The following GUCY1A2 variants were observed in gnomAD, a reference collection of about 807,000 sequenced individuals.
The protein encoded by GUCY1A2 is guanylate cyclase 1 soluble subunit alpha 2.
A neutral mutation model predicts 63.5 loss-of-function variants in GUCY1A2; 27 were observed. The observed-to-expected ratio is 0.43, with a 90% confidence interval of 0.31 to 0.59. The LOEUF (loss-of-function observed/expected upper bound fraction) is 0.59. GUCY1A2 is among the 20% of genes least tolerant of loss of function. GUCY1A2 has a pLI of 0.11. For synonymous variants in GUCY1A2, 364 were observed against 343.5 expected, an observed-to-expected ratio of 1.06 and a Z score of -0.66; for missense variants, 768 against 913.3, an observed-to-expected ratio of 0.84 and a Z score of 2.05.
At chr11:106,981,144 A>G (rs1009590890) in intron 2 of GUCY1A2, among the ~76,000 whole-genome samples, 2 of 152,200 alleles carry the variant, frequency 1.3e-5, no homozygotes, top group African/African-American at 4.8e-5. Flanking sequence ...TATAAAAAAG[A>G]AGCTAGATCA....
intron 4 of GUCY1A2, among the ~76,000 whole-genome samples, chr11:106,917,528 G>C (rs1296465962): frequency 2.1e-5 from 3 of 144,856 alleles, no homozygotes; most frequent in African/African-American, 4.9e-5. Context: ...CAATAGCAAA[G>C]ACTTGGAACC....
chr11:106,780,359 G>C (rs1864436318), intron 5 of GUCY1A2, among the ~76,000 whole-genome samples: 2 of 152,176 alleles, frequency 1.3e-5, no homozygotes, highest in South Asian at 2.1e-4. Flanking sequence ...GGCTGGGTTA[G>C]ATTATGATAC....
intron 1 of GUCY1A2, among the ~76,000 whole-genome samples, chr11:107,005,823 G>A (rs1035589974): frequency 1.4e-4 from 21 of 152,050 alleles, no homozygotes; most frequent in Admixed American, 1.2e-3. Context: ...GTATAACCCT[G>A]AAATGTCATA....
chr11:106,688,971 T>G (rs902697842), intron 7 of GUCY1A2, among the ~76,000 whole-genome samples: 4 of 152,204 alleles, frequency 2.6e-5, no homozygotes, highest in African/African-American at 9.7e-5. Context: ...GAGTTTAGAC[T>G]TTATTTGGAA....
intron 5 of GUCY1A2, among the ~76,000 whole-genome samples, chr11:106,799,870 TA>T (rs1159391008): frequency 6.6e-6 from 1 of 152,004 alleles, no homozygotes; most frequent in African/African-American, 2.4e-5. Context: ...GCTATGGCAA[TA>T]AAAGCCAAAA....
chr11:107,002,773 C>T (rs905820905), intron 1 of GUCY1A2, among the ~76,000 whole-genome samples: 7 of 152,122 alleles, frequency 4.6e-5, no homozygotes, highest in African/African-American at 1.7e-4. Flanking sequence ...CTGCAAATTG[C>T]ATGGCAATTT....
chr11:106,973,038 G>A (rs755495133), intron 3 of GUCY1A2, among the ~76,000 whole-genome samples: 8 of 152,002 alleles, frequency 5.3e-5, no homozygotes, highest in Non-Finnish European at 8.8e-5. Context: ...TCTTTCTCAG[G>A]ACTATCTACT....
At chr11:106,964,063 A>G (rs570403512) in intron 3 of GUCY1A2, among the ~76,000 whole-genome samples, 2 of 151,978 alleles carry the variant, frequency 1.3e-5, no homozygotes, top group African/African-American at 2.4e-5. Context: ...GTATACACAC[A>G]CACACACCCA....
rs746349955 is a variant in GUCY1A2 at position 106,983,304 on chromosome 11, AAATG to A, written c.365+2762_365+2765del. ...ACTTGAATGATCTCTATGAATAAAT[AAATG>A]AACAAGTGAATGGATAAATTAAGGA... On this transcript the variant is annotated intron_variant, in intron 2 of 7. Transcript: ENST00000526355. 6.0e-4 allele frequency among the ~76,000 whole-genome samples: 92 copies of A among 152,342 alleles called. 1 individual carries two copies. Among genetic ancestry groups the A allele is most frequent in the Non-Finnish European group, 1.2e-3 (80 of 68,038 alleles).
At chr11:106,755,769 A>T (rs766049117) in intron 6 of GUCY1A2, among the ~76,000 whole-genome samples, 1 of 152,090 alleles carries the variant, frequency 6.6e-6, no homozygotes, top group Non-Finnish European at 1.5e-5. Flanking sequence ...ACTTCCAGTT[A>T]TGTGGTCAAT....
At chr11:106,704,799 C>T (rs1862878733) in intron 7 of GUCY1A2, among the ~76,000 whole-genome samples, 1 of 151,614 alleles carries the variant, frequency 6.6e-6, no homozygotes, top group African/African-American at 2.4e-5. Context: ...TTTTATAGAT[C>T]AGCAGCATGA....
intron 4 of GUCY1A2, among the ~76,000 whole-genome samples, chr11:106,905,966 G>T (rs143596374): frequency 6.6e-6 from 1 of 152,018 alleles, no homozygotes; most frequent in Admixed American, 6.6e-5. Flanking sequence ...ACACTTAAAC[G>T]TAAGACCTAA....
chr11:106,721,350 C>T (rs1863313668), intron 6 of GUCY1A2, among the ~76,000 whole-genome samples: 1 of 152,102 alleles, frequency 6.6e-6, no homozygotes, highest in Admixed American at 6.5e-5. Flanking sequence ...TGAGCCACCG[C>T]GCCTGGCCAA....
At chr11:106,811,212 C>G (rs1410263934) in intron 4 of GUCY1A2, among the ~76,000 whole-genome samples, 1 of 151,970 alleles carries the variant, frequency 6.6e-6, no homozygotes, top group Admixed American at 6.6e-5. Flanking sequence ...TTTCTATGCC[C>G]TTTCACTGGA....
rs1037908411 is a variant in GUCY1A2 at position 106,961,764 on chromosome 11, G to A, written c.487+16855C>T. Among the ~76,000 whole-genome samples, 10 of 152,264 alleles carry A rather than the reference G, an allele frequency of 6.6e-5. No homozygotes were observed. In the East Asian group the frequency reaches 1.5e-3, roughly 24 times the overall value. ...TCTAGCTTGCAGAAGAATGTCAAAGGTCTACATAGTTTGTTTTTTTTCTAT... is the reference window on the plus strand; with the variant it reads ...TCTAGCTTGCAGAAGAATGTCAAAGATCTACATAGTTTGTTTTTTTTCTAT... On this transcript the variant is annotated intron_variant, in intron 3 of 7. Coordinates refer to ENST00000526355, the MANE Select transcript of GUCY1A2 (RefSeq NM_000855.3).
At chr11:106,873,203 T>A (rs1859704489) in intron 4 of GUCY1A2, among the ~76,000 whole-genome samples, 1 of 152,204 alleles carries the variant, frequency 6.6e-6, no homozygotes, top group South Asian at 2.1e-4. Flanking sequence ...ATGATTTTGC[T>A]ATTATAAATA....
intron 4 of GUCY1A2, among the ~76,000 whole-genome samples, chr11:106,873,728 C>T (rs1390973003): frequency 6.6e-6 from 1 of 152,128 alleles, no homozygotes; most frequent in Non-Finnish European, 1.5e-5. Context: ...TGCCCGTTCA[C>T]TCTGATGATA....
intron 3 of GUCY1A2, among the ~76,000 whole-genome samples, chr11:106,965,899 C>A (rs1362400080): frequency 6.8e-6 from 1 of 146,860 alleles, no homozygotes; most frequent in Non-Finnish European, 1.5e-5. Flanking sequence ...TCATTAACCT[C>A]AACCTCCTCC....
At chr11:106,950,495 G>C (rs1860891132) in intron 3 of GUCY1A2, among the ~76,000 whole-genome samples, 1 of 152,200 alleles carries the variant, frequency 6.6e-6, no homozygotes, top group Admixed American at 6.5e-5. Context: ...AAATAGGGCA[G>C]TGGCTCCCAA....
Sources: gnomAD v4.1 joint callset for allele counts (sites outside exome capture counted in the v4.1 genomes callset) on GRCh38, gnomAD v4.1.1 for gene constraint, MANE v1.5 for transcripts, NCBI Gene and HGNC (gene_info 2026-07-23, HGNC 2026-07-21) for gene names.